TP73: variants seen among roughly 807,000 people sequenced by gnomAD.
TP73 encodes p53-like transcription factor.
In TP73, 25 loss-of-function variants were observed where a neutral mutation model predicts 62.5. That is an observed-to-expected ratio of 0.40 (90% CI 0.29 to 0.56). The LOEUF (loss-of-function observed/expected upper bound fraction) is 0.56, where lower values mean the gene tolerates loss of function less well. TP73 is among the 20% of genes least tolerant of loss of function. TP73 has a pLI of 0.46. For synonymous variants in TP73, 423 were observed against 377.5 expected (o/e 1.12, Z -1.40); for missense variants, 754 against 913.3 (o/e 0.83, Z 2.25).
chr1:3,722,830 CGGGCACCTCTCTGCACCTGGCATGGGGCT>C lies in TP73; in HGVS notation c.617-513_617-485del, dbSNP rs1467473466. 9.4e-5 allele frequency among the ~76,000 whole-genome samples: 13 copies of C among 138,066 alleles called. No homozygotes were observed. The East Asian group carries it at 1.3e-3, about 14-fold the overall frequency. 90.6% of individuals were successfully genotyped at this position (138,066 alleles called of 152,430 possible). A position where few individuals can be genotyped will look rare whatever the true frequency, so the allele number is the denominator to read the frequency against. On this transcript the variant is annotated intron_variant, in intron 5 of 13. Transcript: ENST00000378295. ...CAGAGGTGGGCACCTGGCATGGGGC[CGGGCACCTCTCTGCACCTGGCATGGGGCT>C]GGGCACCTCTTTGCACCTGGCACAG...
intron 6 of TP73, 36 bp downstream of exon 6, chr1:3,723,505 A>C: frequency 1.1e-5 from 13 of 1,155,364 alleles, no homozygotes; most frequent in African/African-American, 3.1e-5. Context: ...AGGGCCCTGC[A>C]GTCAGCTGTA....
chr1:3,700,387 G>C (rs999257760), intron 3 of TP73, among the ~76,000 whole-genome samples: 1 of 152,174 alleles, frequency 6.6e-6, no homozygotes, highest in Non-Finnish European at 1.5e-5. Flanking sequence ...GCCTTGCTTT[G>C]CATTGTGTCT....
In TP73 at chr1:3,687,653, A is replaced by T. The variant is rs1012321177; in HGVS notation, c.186+4473A>T. On this transcript the variant is annotated intron_variant, in intron 3 of 13. Coordinates refer to ENST00000378295, the MANE Select transcript of TP73 (RefSeq NM_005427.4). ...GGAGGGGAGAAAAGGAGAGAGAGGC[A>T]AGTGTCTCCTCCCTCCCCTCCCCTC... Among the ~76,000 whole-genome samples the T allele has an allele frequency of 2.0e-5, 3 of 152,022 alleles. No individual in the cohort carries two copies. The South Asian group carries it at 6.2e-4, about 31-fold the overall frequency.
intron 3 of TP73, among the ~76,000 whole-genome samples, chr1:3,698,488 C>T (rs1287396927): frequency 4.6e-5 from 7 of 152,204 alleles, no homozygotes; most frequent in Non-Finnish European, 8.8e-5. Flanking sequence ...CCCCTCGCCA[C>T]AACCTGGAAG....
At chr1:3,723,506 G>T in intron 6 of TP73, 37 bp downstream of exon 6, 2 of 1,394,492 alleles carry the variant, frequency 1.4e-6, no homozygotes, top group African/African-American at 1.4e-5. Context: ...GGGCCCTGCA[G>T]TCAGCTGTAC....
Position 3,672,469 on chromosome 1 carries a change from G to T in TP73, c.-33-9864G>T, listed in dbSNP as rs2102050980. On this transcript the variant is annotated intron_variant, in intron 1 of 13. Transcript: ENST00000378295. This position sits in a 1 kb window ranked among gnomAD's most constrained non-coding sequence, Gnocchi z 5.3. ...CGAGGCTGTGGCAGCTCCAGCGAAG[G>T]CGGCTGCGGCCCCATCAGTCACCTG... 6.6e-6 allele frequency among the ~76,000 whole-genome samples: 1 copy of T among 152,178 alleles called. No homozygotes were observed. Among genetic ancestry groups the T allele is most frequent in the South Asian group, 2.1e-4 (1 of 4,822 alleles).
chr1:3,727,486 C>T, intron 7 of TP73, 142 bp from the exon 8 acceptor site: 1 of 1,248,060 alleles, frequency 8.0e-7, no homozygotes, highest in African/African-American at 1.5e-5. Context: ...CTAGCGGGAA[C>T]ACTCGCTGCC....
chr1:3,682,463 C>T (rs769537164), intron 2 of TP73, 33 bp downstream of exon 2: 12 of 1,451,690 alleles, frequency 8.3e-6, no homozygotes, highest in Admixed American at 4.5e-5. Context: ...AGCTGGGGGC[C>T]CCCCTGGGAG....
At position 3,707,763 on chromosome 1, in the gene TP73, C is replaced by G; in HGVS notation, c.401C>G (p.Ser134Cys). The stretch of plus-strand genomic sequence containing the variant: ...CACTTTGAGGTCACTTTCCAGCAGT[C>G]CAGCACGGCCAAGTCAGCCACCTGG... ...PHHFEVTFQQ[S>C]STAKSATWTY... Residue 134 changes from serine (S) to cysteine (C), a missense_variant, in exon 4 of 14, where the codon TCC becomes TGC. Around this residue, in one of 3 missense-constraint regions of TP73, gnomAD observed 235 missense variants for 251.4 expected, o/e 0.93. Coordinates refer to ENST00000378295, the MANE Select transcript of TP73 (RefSeq NM_005427.4). 1 of 1,613,002 alleles carries G rather than the reference C, an allele frequency of 6.2e-7. No individual in the cohort carries two copies. The highest frequency in any genetic ancestry group is 8.5e-7 in the Non-Finnish European group (1 of 1,179,922).
intron 3 of TP73, among the ~76,000 whole-genome samples, chr1:3,693,540 T>C (rs1412364054): frequency 6.6e-6 from 1 of 152,122 alleles, no homozygotes; most frequent in East Asian, 1.9e-4. Flanking sequence ...GTGACGCCGC[T>C]CTCTGAGCCT....
At chr1:3,728,016 C>G in intron 8 of TP73, 113 bp from the exon 9 acceptor site, 1 of 1,265,994 alleles carries the variant, frequency 7.9e-7, no homozygotes, top group Non-Finnish European at 1.1e-6. Context: ...ACCACCGGAC[C>G]CACCTGGAGA....
In TP73 at chr1:3,695,867, G is replaced by A. The variant is rs544254998; in HGVS notation, c.187-11682G>A. The stretch of plus-strand genomic sequence containing the variant: ...ATCCAGGGAATGGGGCAGCCCCGCC[G>A]GTCAGGTGGTACCACACCGTGGGAT... On this transcript the variant is annotated intron_variant, in intron 3 of 13. Coordinates refer to ENST00000378295, the MANE Select transcript of TP73 (RefSeq NM_005427.4). Among the ~76,000 whole-genome samples, 181 of 152,358 alleles carry A rather than the reference G, an allele frequency of 1.2e-3. 1 individual carries two copies. In the Middle Eastern group the frequency reaches 0.014, roughly 11 times the overall value.
chr1:3,733,479 T>C lies in TP73; in HGVS notation c.*400T>C. On this transcript the variant is annotated 3_prime_UTR_variant, in exon 14 of 14. Transcript: ENST00000378295. ...GGTCCTTCCAAAGGAAAGGATCCTC[T>C]TTGCTGATGGACTGCCAAAAAGTAT... 1 of 253,328 alleles carries C rather than the reference T, an allele frequency of 3.9e-6. No homozygotes were observed. The highest frequency in any genetic ancestry group is 7.7e-6 in the Non-Finnish European group (1 of 130,072). The allele number at this position is 253,328 out of a possible 1,614,324, so 15.7% of individuals were successfully genotyped here.
rs772552229 is a variant in TP73, at chr1:3,731,541, G to A, written c.1563G>A (p.Gln521=). ...GGTTACAGAGCATTTACCACCTGCAGAACCTGACCATTGAGGTAACGCCCG... is the reference window on the plus strand; with the variant it reads ...GGTTACAGAGCATTTACCACCTGCAAAACCTGACCATTGAGGTAACGCCCG... The part of the protein sequence containing the change: ...SQGLQSIYHL[Q]NLTIEDLGAL... The change falls in exon 13 of 14, where the codon CAG becomes CAA. Residue 521 remains glutamine, a synonymous_variant. Transcript: ENST00000378295. 6.2e-7 allele frequency: 1 copy of A among 1,613,812 alleles called. No homozygotes were observed. The highest frequency in any genetic ancestry group is 8.5e-7 in the Non-Finnish European group (1 of 1,180,020).
At chr1:3,661,507 G>A (rs1389186525) in intron 1 of TP73, among the ~76,000 whole-genome samples, 4 of 151,676 alleles carry the variant, frequency 2.6e-5, no homozygotes, top group African/African-American at 7.3e-5. Context: ...CCAGGAGTTC[G>A]AGACCAGCCT....
In TP73 at chr1:3,666,914, C is replaced by T. The variant is rs75940686; in HGVS notation, c.-34+14273C>T. ...TCCCCAAAGGTCTTCACGTCCCAAT[C>T]CCCAGAACCCGTGTCTATGTTATTT... On this transcript the variant is annotated intron_variant, in intron 1 of 13. Coordinates refer to ENST00000378295, the MANE Select transcript of TP73 (RefSeq NM_005427.4). The surrounding 1 kb of genome is among the most constrained non-coding windows in gnomAD (Gnocchi z 6.4). Among the ~76,000 whole-genome samples the T allele has an allele frequency of 0.04, 6,085 of 152,274 alleles. 181 individuals carry two copies. Among genetic ancestry groups the T allele is most frequent in the South Asian group, 0.076 (369 of 4,828 alleles).
chr1:3,707,911 C>A, intron 4 of TP73, 120 bp downstream of exon 4: 1 of 1,451,434 alleles, frequency 6.9e-7, no homozygotes, highest in Non-Finnish European at 9.2e-7. Context: ...GGGGTTCCCA[C>A]CTGGCCCGGG....
intron 1 of TP73, among the ~76,000 whole-genome samples, chr1:3,665,464 G>C (rs746889394): frequency 6.6e-6 from 1 of 152,188 alleles, no homozygotes; most frequent in Non-Finnish European, 1.5e-5. Flanking sequence ...TGTTCAGCTG[G>C]TCAGTCTGGT....
chr1:3,716,717 T>C (rs1640628972), intron 4 of TP73, among the ~76,000 whole-genome samples: 1 of 152,072 alleles, frequency 6.6e-6, no homozygotes. Context: ...AGGATACCCT[T>C]CCTCTCTCAG....
Sources: gnomAD v4.1 joint callset for allele counts (sites outside exome capture counted in the v4.1 genomes callset) on GRCh38, gnomAD v4.1.1 for gene constraint, gnomAD v4.1.1 regional missense constraint, Gnocchi (gnomAD v3.1) non-coding constraint, MANE v1.5 for transcripts, NCBI Gene and HGNC (gene_info 2026-07-23, HGNC 2026-07-21) for gene names.